FRMPD4: variants seen among roughly 807,000 people sequenced by gnomAD.
FRMPD4 encodes the protein FERM and PDZ domain containing 4.
FRMPD4 carries 22 observed loss-of-function variants against 94.1 expected under a neutral mutation model. That is an observed-to-expected ratio of 0.23 (90% CI 0.17 to 0.33). The LOEUF is 0.33. Among genes scored for constraint, FRMPD4 ranks in the 10% least tolerant of loss-of-function variants. The pLI, the probability that FRMPD4 is intolerant of heterozygous loss-of-function variation, is 1.00. For synonymous variants in FRMPD4, 631 were observed against 548.6 expected (o/e 1.15, Z -2.10); for missense variants, 1,111 against 1,339.9 (o/e 0.83, Z 2.67).
intron 2 of FRMPD4, among the ~76,000 whole-genome samples, chrX:12,531,405 A>G (rs1015095669): frequency 8.9e-6 from 1 of 111,895 alleles, no homozygotes; most frequent in South Asian, 3.8e-4. Context: ...ACTTTCTACC[A>G]GTGGCACAAC....
intron 1 of FRMPD4, among the ~76,000 whole-genome samples, chrX:12,179,288 C>G (rs958886579): frequency 9.0e-6 from 1 of 110,551 alleles, no homozygotes; most frequent in African/African-American, 3.3e-5. Flanking sequence ...TTCTATTGAC[C>G]GAGCAATTCA....
intron 2 of FRMPD4, among the ~76,000 whole-genome samples, chrX:12,541,404 GGAT>G: frequency 9.0e-6 from 1 of 110,581 alleles, no homozygotes; most frequent in East Asian, 2.8e-4. Context: ...ATGATAAAGG[GGAT>G]ATCACCACCG....
At chrX:12,308,514 TC>T (rs995553629) in intron 1 of FRMPD4, among the ~76,000 whole-genome samples, 8 of 111,502 alleles carry the variant, frequency 7.2e-5, no homozygotes, top group African/African-American at 2.6e-4. Context: ...ACTTTGGACT[TC>T]TCTTCCCTGC....
intron 2 of FRMPD4, among the ~76,000 whole-genome samples, chrX:12,537,440 T>C (rs1444736135): frequency 9.4e-6 from 1 of 106,087 alleles, no homozygotes; most frequent in Non-Finnish European, 1.9e-5. Flanking sequence ...TCCAACAATA[T>C]ATATTTTTTT....
intron 1 of FRMPD4, among the ~76,000 whole-genome samples, chrX:12,284,151 A>G (rs754059753): frequency 3.6e-5 from 4 of 111,951 alleles, no homozygotes; most frequent in Non-Finnish European, 7.5e-5. Flanking sequence ...GTTGAACAGT[A>G]TGTTGGTATT....
chrX:12,640,506 G>A (rs1037748448), intron 4 of FRMPD4, among the ~76,000 whole-genome samples: 2 of 110,884 alleles, frequency 1.8e-5, no homozygotes, highest in Non-Finnish European at 3.8e-5. Context: ...GCTATTTTAG[G>A]CATCTGTCAA....
At chrX:12,386,519 G>T (rs2056399614) in intron 1 of FRMPD4, among the ~76,000 whole-genome samples, 1 of 112,127 alleles carries the variant, frequency 8.9e-6, no homozygotes, top group South Asian at 3.7e-4. Context: ...ATAGCTGACT[G>T]CTTGTTGAAT....
intron 1 of FRMPD4, among the ~76,000 whole-genome samples, chrX:12,274,871 C>T (rs1389287453): frequency 1.8e-5 from 2 of 111,559 alleles, no homozygotes; most frequent in Non-Finnish European, 3.8e-5. Flanking sequence ...TAGCCAGACG[C>T]GGTGGTGGGC....
intron 1 of FRMPD4, among the ~76,000 whole-genome samples, chrX:12,426,902 A>G (rs1464771281): frequency 9.3e-6 from 1 of 107,557 alleles, no homozygotes; most frequent in African/African-American, 3.4e-5. Context: ...TTTTAACTGG[A>G]TTAGAATCCT....
intron 1 of FRMPD4, among the ~76,000 whole-genome samples, chrX:12,366,168 G>T (rs939271126): frequency 8.0e-5 from 9 of 112,177 alleles, no homozygotes; most frequent in Non-Finnish European, 1.3e-4. Context: ...TACACAAAAG[G>T]GTTTGCCAGG....
intron 2 of FRMPD4, among the ~76,000 whole-genome samples, chrX:12,567,747 A>C (rs753044287): frequency 1.8e-5 from 2 of 111,103 alleles, no homozygotes; most frequent in Non-Finnish European, 3.8e-5. Flanking sequence ...CCTGGATCCT[A>C]GTGAGGTGCT....
chrX:11,826,499 G>A (rs752502514), intron 1 of FRMPD4, among the ~76,000 whole-genome samples: 2 of 111,655 alleles, frequency 1.8e-5, no homozygotes, highest in African/African-American at 3.3e-5. Flanking sequence ...TGATTGAACA[G>A]GAAGGATAAA....
intron 1 of FRMPD4, among the ~76,000 whole-genome samples, chrX:12,147,094 A>G (rs911982158): frequency 1.8e-5 from 2 of 112,520 alleles, no homozygotes; most frequent in African/African-American, 6.5e-5. Context: ...TCTGTGCTGG[A>G]CATGTCATGC....
chrX:12,280,077 G>A (rs1056070946), intron 1 of FRMPD4, among the ~76,000 whole-genome samples: 8 of 109,963 alleles, frequency 7.3e-5, no homozygotes, highest in Non-Finnish European at 1.1e-4. Flanking sequence ...CTTATTTAGC[G>A]CACATGCACA....
chrX:12,377,014 T>C (rs188252080), intron 1 of FRMPD4, among the ~76,000 whole-genome samples: 1 of 112,093 alleles, frequency 8.9e-6, no homozygotes, highest in East Asian at 2.8e-4. Context: ...TCTCACTCCC[T>C]GTAACAGAGG....
intron 4 of FRMPD4, among the ~76,000 whole-genome samples, chrX:12,653,082 A>T (rs950387618): frequency 8.9e-6 from 1 of 111,953 alleles, no homozygotes; most frequent in Admixed American, 9.5e-5. Flanking sequence ...TCAGCCACGC[A>T]GCTTTATGAA....
intron 5 of FRMPD4, among the ~76,000 whole-genome samples, chrX:12,679,941 G>C (rs1000387976): frequency 8.9e-6 from 1 of 111,830 alleles, no homozygotes; most frequent in Non-Finnish European, 1.9e-5. Flanking sequence ...CTTGTCTTAG[G>C]TCTGCATTTT....
At chrX:11,947,753 T>A (rs2054196690) in intron 3 of FRMPD4, among the ~76,000 whole-genome samples, 1 of 111,201 alleles carries the variant, frequency 9.0e-6, no homozygotes, top group Non-Finnish European at 1.9e-5. Flanking sequence ...ATACTTAACC[T>A]GCAATAATTT....
chrX:11,869,147 A>T (rs892905227), intron 2 of FRMPD4, among the ~76,000 whole-genome samples: 2 of 112,473 alleles, frequency 1.8e-5, no homozygotes, highest in Non-Finnish European at 3.8e-5. Flanking sequence ...TGTTGTACTC[A>T]TCATCTTCTC....
Sources: allele counts gnomAD v4.1 joint callset (sites outside exome capture counted in the v4.1 genomes callset), GRCh38; gene constraint gnomAD v4.1.1; transcripts MANE v1.5; gene names NCBI Gene and HGNC (gene_info 2026-07-23, HGNC 2026-07-21).